The following SFRP1 variants were observed in gnomAD, a reference collection of about 807,000 sequenced individuals.
SFRP1 encodes the protein secreted frizzled related protein 1.
A neutral mutation model predicts 25.9 loss-of-function variants in SFRP1; 9 were observed. The ratio of observed to expected loss-of-function variants is 0.35; its 90% CI spans 0.21 to 0.61. SFRP1 has a LOEUF of 0.61. Among genes scored for constraint, SFRP1 ranks in the 20% least tolerant of loss-of-function variants. The pLI, the probability that SFRP1 is intolerant of heterozygous loss-of-function variation, is 0.78. For synonymous variants in SFRP1, 178 were observed against 174.0 expected, an observed-to-expected ratio of 1.02 and a Z score of -0.18; for missense variants, 346 against 418.2, an observed-to-expected ratio of 0.83 and a Z score of 1.51.
At position 41,264,863 on chromosome 8, in the gene SFRP1, C is replaced by T. The variant is rs111439067; in HGVS notation, c.*304G>A. On this transcript the variant is annotated 3_prime_UTR_variant, in exon 3 of 3. Transcript: ENST00000220772. ...AATCCCCCTTTTTGTGTTTTAGTGGCTGTGTTGCTGTTGGAAATGGTTTGT... is the reference window on the plus strand; with the variant it reads ...AATCCCCCTTTTTGTGTTTTAGTGGTTGTGTTGCTGTTGGAAATGGTTTGT... 3.6e-3 allele frequency: 1,104 copies of T among 303,934 alleles called. 11 individuals carry two copies. Among genetic ancestry groups the T allele is most frequent in the African/African-American group, 0.021 (1,001 of 46,784 alleles). The allele number at this position is 303,934 out of a possible 1,614,324, so 18.8% of individuals were successfully genotyped here.
At chr8:41,279,178 A>T (rs1803605320) in intron 2 of SFRP1, among the ~76,000 whole-genome samples, 1 of 152,102 alleles carries the variant, frequency 6.6e-6, no homozygotes, top group East Asian at 1.9e-4. Context: ...AATGCCTGAC[A>T]TCAGGGGGCT....
chr8:41,276,283 G>A (rs1176039241), intron 2 of SFRP1, among the ~76,000 whole-genome samples: 4 of 152,202 alleles, frequency 2.6e-5, no homozygotes, highest in Non-Finnish European at 4.4e-5. Flanking sequence ...GAGGCAGAAA[G>A]CACCCTCCCC....
At position 41,265,124 on chromosome 8, in the gene SFRP1, C is replaced by CCCCCCCCCCCCCAGG; in HGVS notation, c.*42_*43insCCTGGGGGGGGGGGG. 1 of 461,730 alleles carries CCCCCCCCCCCCCAGG rather than the reference C, an allele frequency of 2.2e-6. No individual in the cohort carries two copies. Among genetic ancestry groups the CCCCCCCCCCCCCAGG allele is most frequent in the Non-Finnish European group, 4.1e-6 (1 of 245,448 alleles). The allele number at this position is 461,730 out of a possible 1,614,324, so 28.6% of individuals were successfully genotyped here. A position where few individuals can be genotyped will look rare whatever the true frequency, so the allele number is the denominator to read the frequency against. On this transcript the variant is annotated 3_prime_UTR_variant, in exon 3 of 3. Transcript: ENST00000220772. ...TCCCGGGGCACTGTCCCCCCCGCTC[C>CCCCCCCCCCCCCAGG]CACCCCACCCGAGGCTCCCTCCCCA...
chr8:41,290,886 CTTTTTTTTTTTTTTTTT>C (rs561965318), intron 2 of SFRP1, among the ~76,000 whole-genome samples: 12,094 of 54,034 alleles, frequency 0.22, 1,472 homozygotes, highest in East Asian at 0.43. Flanking sequence ...TCTTCCTCGT[CTTTTTTTTTTTTTTTTT>C]TTTTTTTTTT....
Position 41,262,353 on chromosome 8 carries a change from C to CA in SFRP1, c.*2813dup, listed in dbSNP as rs1803385584. On this transcript the variant is annotated 3_prime_UTR_variant, in exon 3 of 3. Coordinates refer to ENST00000220772, the MANE Select transcript of SFRP1 (RefSeq NM_003012.5). The stretch of plus-strand genomic sequence containing the variant: ...AGTTATGACACAGCAACCAGTTACT[C>CA]AGAGTCTGATGAGAAAAACAGATTT... The CA allele has an allele frequency of 1.3e-5, 2 of 152,162 alleles. No homozygotes were observed. Among genetic ancestry groups the CA allele is most frequent in the Admixed American group, 6.5e-5 (1 of 15,280 alleles). The allele number at this position is 152,162 out of a possible 1,614,324, so 9.4% of individuals were successfully genotyped here.
chr8:41,299,499 T>TAAAAA (rs576175856), intron 2 of SFRP1, among the ~76,000 whole-genome samples: 9 of 56,064 alleles, frequency 1.6e-4, no homozygotes, highest in African/African-American at 6.8e-4. Context: ...TTCTCCTTTA[T>TAAAAA]AAAAAAAAAA....
At chr8:41,305,521 A>G (rs891256950) in intron 1 of SFRP1, among the ~76,000 whole-genome samples, 4 of 152,192 alleles carry the variant, frequency 2.6e-5, no homozygotes, top group African/African-American at 7.2e-5. Flanking sequence ...CAGAGAGAGA[A>G]AGAGAAATGT....
intron 2 of SFRP1, among the ~76,000 whole-genome samples, chr8:41,271,837 G>A (rs917223102): frequency 6.6e-6 from 1 of 151,790 alleles, no homozygotes; most frequent in African/African-American, 2.4e-5. Flanking sequence ...GGTGGTGCAT[G>A]CCTGTAGTCC....
chr8:41,267,357 C>T (rs902143688), intron 2 of SFRP1, among the ~76,000 whole-genome samples: 4 of 152,200 alleles, frequency 2.6e-5, no homozygotes, highest in African/African-American at 7.2e-5. Flanking sequence ...GCTCTATAAA[C>T]GAAGCAGACT....
chr8:41,285,222 G>A (rs1274762380), intron 2 of SFRP1, among the ~76,000 whole-genome samples: 1 of 152,156 alleles, frequency 6.6e-6, no homozygotes, highest in Non-Finnish European at 1.5e-5. Flanking sequence ...CTGGGGCCCA[G>A]AGAGAAAATG....
At chr8:41,284,066 T>A (rs1803668538) in intron 2 of SFRP1, among the ~76,000 whole-genome samples, 1 of 152,066 alleles carries the variant, frequency 6.6e-6, no homozygotes, top group Admixed American at 6.5e-5. Flanking sequence ...TTTAAGATTG[T>A]CAGCAAGTAG....
At chr8:41,270,151 G>A (rs1278424346) in intron 2 of SFRP1, among the ~76,000 whole-genome samples, 2 of 152,166 alleles carry the variant, frequency 1.3e-5, no homozygotes, top group African/African-American at 4.8e-5. Flanking sequence ...AAAATCCAAT[G>A]GGAAGGGAAA....
At chr8:41,281,055 T>C (rs1803629506) in intron 2 of SFRP1, among the ~76,000 whole-genome samples, 1 of 152,198 alleles carries the variant, frequency 6.6e-6, no homozygotes, top group African/African-American at 2.4e-5. Context: ...GACAGGCCCG[T>C]GAGCTCCTAG....
intron 2 of SFRP1, among the ~76,000 whole-genome samples, chr8:41,286,734 C>T (rs912035754): frequency 3.3e-5 from 5 of 152,298 alleles, no homozygotes; most frequent in African/African-American, 1.2e-4. Flanking sequence ...TCGGGGGCAG[C>T]TAGGAACTCA....
rs1344797531 is a variant in SFRP1, at chr8:41,309,035, T to C, written c.125A>G (p.Asp42Gly). The C allele has an allele frequency of 6.2e-7, 1 of 1,608,524 alleles. No individual in the cohort carries two copies. The highest frequency in any genetic ancestry group is 1.1e-5 in the South Asian group (1 of 91,052). Reference protein sequence around the residue: ...SEYDYVSFQSDIGPYQSGRFY... With the variant: ...SEYDYVSFQSGIGPYQSGRFY... The stretch of plus-strand genomic sequence containing the variant: ...GCGCCCGCTCTGGTACGGGCCGATG[T>C]CCGACTGGAAGCTCACGTAGTCGTA... The change falls in exon 1 of 3, where the codon GAC becomes GGC. Residue 42 changes from aspartate (D) to glycine (G), a missense_variant. Transcript: ENST00000220772.
Position 41,263,880 on chromosome 8 carries a change from G to C in SFRP1, c.*1287C>G, listed in dbSNP as rs986400963. On this transcript the variant is annotated 3_prime_UTR_variant, in exon 3 of 3. Transcript: ENST00000220772. ...AACAAATATATGTAAAAAGTGCGGG[G>C]GGACAGGCAGGCTGTTCTGAATTTC... The C allele has an allele frequency of 6.6e-6, 1 of 152,192 alleles. No individual in the cohort carries two copies. Among genetic ancestry groups the C allele is most frequent in the African/African-American group, 2.4e-5 (1 of 41,448 alleles). The allele number at this position is 152,192 out of a possible 1,614,324, so 9.4% of individuals were successfully genotyped here.
At chr8:41,267,893 G>A (rs2117478343) in intron 2 of SFRP1, among the ~76,000 whole-genome samples, 1 of 152,290 alleles carries the variant, frequency 6.6e-6, no homozygotes, top group Non-Finnish European at 1.5e-5. Context: ...GAAGATCACA[G>A]GGAGGAGCTC....
chr8:41,302,384 T>G (rs1803933753), intron 2 of SFRP1, among the ~76,000 whole-genome samples: 2 of 152,236 alleles, frequency 1.3e-5, no homozygotes, highest in Admixed American at 1.3e-4. Flanking sequence ...CAGCTTACTT[T>G]GACAGGGCAG....
intron 1 of SFRP1, among the ~76,000 whole-genome samples, chr8:41,303,941 C>G (rs532281975): frequency 6.6e-6 from 1 of 152,256 alleles, no homozygotes; most frequent in African/African-American, 2.4e-5. Flanking sequence ...CCGATTCCTG[C>G]CCCCTTCCCA....
Sources: gnomAD v4.1 joint callset for allele counts (sites outside exome capture counted in the v4.1 genomes callset) on GRCh38, gnomAD v4.1.1 for gene constraint, MANE v1.5 for transcripts, NCBI Gene and HGNC (gene_info 2026-07-23, HGNC 2026-07-21) for gene names.